Variants in LARP1B observed in about 807,000 individuals in gnomAD.
LARP1B encodes the protein la-related protein 1B.
Under a neutral mutation model 114.2 loss-of-function variants are expected in LARP1B, and 76 were observed. The ratio of observed to expected loss-of-function variants is 0.67; its 90% confidence interval spans 0.55 to 0.81. The LOEUF is 0.81. Ranked by LOEUF, LARP1B falls within the 30% of genes least tolerant of loss-of-function variation. The probability of loss-of-function intolerance (pLI) is 0.00; values close to 1 mark genes in which losing one functional copy is unlikely to be tolerated. For synonymous variants in LARP1B, 345 were observed against 348.0 expected, an observed-to-expected ratio of 0.99 and a Z score of 0.10; for missense variants, 1,014 against 1,075.8, an observed-to-expected ratio of 0.94 and a Z score of 0.80.
chr4:128,208,732 A>G (rs1441758597), intron 19 of LARP1B, among the ~76,000 whole-genome samples: 1 of 152,220 alleles, frequency 6.6e-6, no homozygotes, highest in Non-Finnish European at 1.5e-5. Context: ...AAAGGCATAA[A>G]AAGCTGACTT....
intron 12 of LARP1B, among the ~76,000 whole-genome samples, chr4:128,174,129 G>A (rs1744950394): frequency 6.6e-6 from 1 of 152,064 alleles, no homozygotes; most frequent in South Asian, 2.1e-4. Context: ...CATAGAATGA[G>A]CATACTACAT....
At chr4:128,129,193 A>G (rs1415035779) in intron 11 of LARP1B, among the ~76,000 whole-genome samples, 2 of 110,544 alleles carry the variant, frequency 1.8e-5, no homozygotes, top group Non-Finnish European at 3.9e-5. Context: ...AAAAAAAAAA[A>G]AAAAAAAAAA....
At chr4:128,097,468 C>T (rs766614759) in intron 7 of LARP1B, among the ~76,000 whole-genome samples, 65 of 152,074 alleles carry the variant, frequency 4.3e-4, no homozygotes, top group Admixed American at 7.9e-4. Context: ...CTACCACACC[C>T]GGATAATTTT....
chr4:128,139,978 G>C (rs912671667), intron 11 of LARP1B, among the ~76,000 whole-genome samples: 1 of 152,142 alleles, frequency 6.6e-6, no homozygotes, highest in Admixed American at 6.5e-5. Context: ...TTAACCACAT[G>C]TAGTTATTGA....
At position 128,209,862 on chromosome 4, in the gene LARP1B, A is replaced by C. The variant is rs1758659397; in HGVS notation, c.2554A>C (p.Ile852Leu). The stretch of plus-strand genomic sequence containing the variant: ...TGCCTTTCATCATTTGCAGCCCCCT[A>C]TTAGTGATGAATTTGGAAGAAAAAG... ...RLEDFRVDPP[I>L]SDEFGRKRHS... The change falls in exon 20 of 20, where the codon ATT becomes CTT. Residue 852 changes from isoleucine (I) to leucine (L), a missense_variant. By Grantham distance (5) the Ile-to-Leu change is conservative. Transcript: ENST00000326639. 6.2e-7 allele frequency: 1 copy of C among 1,612,818 alleles called. No individual in the cohort carries two copies. Among genetic ancestry groups the C allele is most frequent in the African/African-American group, 1.3e-5 (1 of 74,868 alleles).
At chr4:128,104,572 G>A (rs1781424181) in intron 8 of LARP1B, among the ~76,000 whole-genome samples, 1 of 152,060 alleles carries the variant, frequency 6.6e-6, no homozygotes, top group East Asian at 1.9e-4. Flanking sequence ...AGCCTCCCGA[G>A]TAGCTGGGAT....
At chr4:128,160,364 G>T (rs1281388212) in intron 11 of LARP1B, among the ~76,000 whole-genome samples, 1 of 152,162 alleles carries the variant, frequency 6.6e-6, no homozygotes, top group Non-Finnish European at 1.5e-5. Context: ...TGTATTGAAG[G>T]TGTATGAGCT....
chr4:128,152,826 T>G (rs1733492509), intron 11 of LARP1B, among the ~76,000 whole-genome samples: 1 of 152,050 alleles, frequency 6.6e-6, no homozygotes, highest in Admixed American at 6.6e-5. Context: ...AACCAGCATG[T>G]TGTCATCTGT....
At chr4:128,081,644 T>C (rs1770497370) in intron 4 of LARP1B, among the ~76,000 whole-genome samples, 2 of 152,158 alleles carry the variant, frequency 1.3e-5, no homozygotes, top group Admixed American at 6.5e-5. Flanking sequence ...TTACTCTCTT[T>C]ACAAGGTTTT....
chr4:128,084,220 G>T (rs1395400406), intron 5 of LARP1B, among the ~76,000 whole-genome samples: 1 of 152,154 alleles, frequency 6.6e-6, no homozygotes, highest in Non-Finnish European at 1.5e-5. Flanking sequence ...CCCAGACGGG[G>T]TGGCGGCCGG....
chr4:128,109,773 TAAA>T (rs1026677271), intron 9 of LARP1B, among the ~76,000 whole-genome samples: 32 of 151,856 alleles, frequency 2.1e-4, no homozygotes, highest in African/African-American at 7.5e-4. Flanking sequence ...GTGCCACACA[TAAA>T]ATATATAATC....
intron 7 of LARP1B, among the ~76,000 whole-genome samples, chr4:128,095,030 C>T (rs1412377698): frequency 1.3e-5 from 2 of 152,100 alleles, no homozygotes; most frequent in Non-Finnish European, 2.9e-5. Context: ...AAATGACAGA[C>T]GTGAGCCACC....
At chr4:128,141,597 T>C (rs888409149) in intron 11 of LARP1B, among the ~76,000 whole-genome samples, 6 of 152,308 alleles carry the variant, frequency 3.9e-5, no homozygotes, top group African/African-American at 1.4e-4. Flanking sequence ...GTACTACTTA[T>C]AGTATTATCA....
rs1334839410 is a variant in LARP1B at position 128,211,756 on chromosome 4, T to A, written c.*1703T>A. 2 of 945,212 alleles carry A rather than the reference T, an allele frequency of 2.1e-6. No homozygotes were observed. The highest frequency in any genetic ancestry group is 3.5e-5 in the African/African-American group (2 of 56,504). 58.6% of individuals were successfully genotyped at this position (945,212 alleles called of 1,614,324 possible). A position where few individuals can be genotyped will look rare whatever the true frequency, so the allele number is the denominator to read the frequency against. The stretch of plus-strand genomic sequence containing the variant: ...GTCCTTTTTGTGTTGAACACATATA[T>A]CTGAAACCTGTATTTAACCAGATAT... On this transcript the variant is annotated 3_prime_UTR_variant, in exon 20 of 20. Transcript: ENST00000326639.
At chr4:128,190,941 T>C (rs768879931) in intron 15 of LARP1B, among the ~76,000 whole-genome samples, 9 of 152,248 alleles carry the variant, frequency 5.9e-5, no homozygotes, top group Admixed American at 6.5e-5. Context: ...CAGTGGCTCT[T>C]ACATTTGTTC....
chr4:128,162,063 G>C, intron 11 of LARP1B, 131 bp from the exon 12 acceptor site: 2 of 708,392 alleles, frequency 2.8e-6, no homozygotes, highest in Non-Finnish European at 4.6e-6. Flanking sequence ...CTCTTTATTA[G>C]AACGTCTTTT....
chr4:128,217,927 A>T (rs1759649212), intron 6 of LARP1B, among the ~76,000 whole-genome samples: 2 of 136,906 alleles, frequency 1.5e-5, no homozygotes, highest in South Asian at 5.2e-4. Flanking sequence ...CCTTAAGCTG[A>T]TAAGCAACTT....
intron 15 of LARP1B, among the ~76,000 whole-genome samples, chr4:128,187,365 G>A (rs940428644): frequency 2.0e-5 from 3 of 152,234 alleles, no homozygotes; most frequent in Non-Finnish European, 4.4e-5. Flanking sequence ...GCATACCCTG[G>A]ATGTAACATA....
chr4:128,143,478 C>G (rs1284400071), intron 11 of LARP1B, among the ~76,000 whole-genome samples: 1 of 152,036 alleles, frequency 6.6e-6, no homozygotes, highest in Non-Finnish European at 1.5e-5. Flanking sequence ...GTGAACATGA[C>G]TGACAATTGA....
Sources: allele counts gnomAD v4.1 joint callset (sites outside exome capture counted in the v4.1 genomes callset), GRCh38; gene constraint gnomAD v4.1.1; transcripts MANE v1.5; gene names NCBI Gene and HGNC (gene_info 2026-07-23, HGNC 2026-07-21).